The following LRFN5 variants were observed in gnomAD, a reference collection of about 807,000 sequenced individuals.
LRFN5 encodes leucine rich repeat and fibronectin type III domain containing 5.
LRFN5 carries 24 observed loss-of-function variants against 45.6 expected under a neutral mutation model. The observed-to-expected ratio is 0.53, with a 90% CI of 0.38 to 0.74. The LOEUF is 0.74. Among genes scored for constraint, LRFN5 ranks in the 30% least tolerant of loss-of-function variants. LRFN5 has a pLI of 0.00. For synonymous variants in LRFN5, 340 were observed against 313.8 expected, an observed-to-expected ratio of 1.08 and a Z score of -0.88; for missense variants, 776 against 861.5, an observed-to-expected ratio of 0.90 and a Z score of 1.24.
intron 1 of LRFN5, among the ~76,000 whole-genome samples, chr14:41,738,248 T>C (rs1232328869): frequency 6.6e-6 from 1 of 151,996 alleles, no homozygotes; most frequent in Non-Finnish European, 1.5e-5. Context: ...AATGGAGAAA[T>C]GATTCCCTAT....
chr14:41,885,325 TA>T (rs59238163), intron 2 of LRFN5, among the ~76,000 whole-genome samples: 36,917 of 134,034 alleles, frequency 0.28, 4,779 homozygotes, highest in Middle Eastern at 0.4. Context: ...AAACTTTGTC[TA>T]AAAAAAAAAA....
At chr14:41,743,612 C>T (rs61992395) in intron 1 of LRFN5, among the ~76,000 whole-genome samples, 25,244 of 151,974 alleles carry the variant, frequency 0.17, 2,199 homozygotes, top group Admixed American at 0.19. Flanking sequence ...TGTTGTATTC[C>T]ACTGCATGGG....
chr14:41,865,667 A>G (rs575668725), intron 2 of LRFN5, among the ~76,000 whole-genome samples: 1 of 152,344 alleles, frequency 6.6e-6, no homozygotes, highest in Admixed American at 6.5e-5. Context: ...GTGGCTACAC[A>G]TATTTGCATT....
chr14:41,834,507 G>A (rs1162936326), intron 2 of LRFN5, among the ~76,000 whole-genome samples: 3 of 152,050 alleles, frequency 2.0e-5, no homozygotes, highest in Admixed American at 2.0e-4. Flanking sequence ...TCTGCTGTAT[G>A]CTAATTACAT....
At chr14:41,742,085 A>C (rs995089956) in intron 1 of LRFN5, among the ~76,000 whole-genome samples, 1 of 151,786 alleles carries the variant, frequency 6.6e-6, no homozygotes, top group Admixed American at 6.7e-5. Flanking sequence ...AATTAATACA[A>C]TCATTTTGCA....
intron 2 of LRFN5, among the ~76,000 whole-genome samples, chr14:41,814,027 A>T (rs1180671538): frequency 6.6e-6 from 1 of 151,800 alleles, no homozygotes; most frequent in African/African-American, 2.4e-5. Flanking sequence ...TTTTCTTGTA[A>T]ATGTGTTTAA....
chr14:41,829,341 G>C (rs1310936414), intron 2 of LRFN5, among the ~76,000 whole-genome samples: 2 of 151,894 alleles, frequency 1.3e-5, no homozygotes, highest in Admixed American at 6.6e-5. Flanking sequence ...GAGCCACAGA[G>C]ATCATGAGTA....
chr14:41,650,438 G>A (rs915425343), intron 1 of LRFN5, among the ~76,000 whole-genome samples: 11 of 152,208 alleles, frequency 7.2e-5, no homozygotes, highest in African/African-American at 1.9e-4. Context: ...CAATCAGAGT[G>A]AAAATATAAT....
At chr14:41,656,152 A>G (rs1237524837) in intron 1 of LRFN5, among the ~76,000 whole-genome samples, 3 of 152,068 alleles carry the variant, frequency 2.0e-5, no homozygotes, top group African/African-American at 7.2e-5. Flanking sequence ...CTGCGTAGCT[A>G]TGGGCAAATC....
chr14:41,760,904 A>G (rs1202184612), intron 1 of LRFN5, among the ~76,000 whole-genome samples: 4 of 152,126 alleles, frequency 2.6e-5, no homozygotes, highest in Non-Finnish European at 5.9e-5. Flanking sequence ...ATTTGCTATT[A>G]TCCAATAATC....
chr14:41,680,530 AGTT>A (rs1386522990), intron 1 of LRFN5, among the ~76,000 whole-genome samples: 1 of 152,124 alleles, frequency 6.6e-6, no homozygotes, highest in African/African-American at 2.4e-5. Context: ...TCCCTCTATG[AGTT>A]TTTAAGAGCC....
intron 2 of LRFN5, among the ~76,000 whole-genome samples, chr14:41,832,384 A>T (rs554087775): frequency 6.6e-6 from 1 of 152,306 alleles, no homozygotes; most frequent in East Asian, 1.9e-4. Context: ...TAGCAATACA[A>T]TATTCGGTCA....
intron 1 of LRFN5, among the ~76,000 whole-genome samples, chr14:41,671,015 T>A (rs1426091094): frequency 6.6e-6 from 1 of 151,932 alleles, no homozygotes; most frequent in African/African-American, 2.4e-5. Flanking sequence ...TAACATCTAT[T>A]TTTAGAGTAA....
chr14:41,731,238 A>G (rs1884163299), intron 1 of LRFN5: 2 of 151,798 alleles, frequency 1.3e-5, no homozygotes, highest in African/African-American at 4.8e-5. Context: ...TTTTATTTAT[A>G]TTTTCAGATC....
intron 1 of LRFN5, among the ~76,000 whole-genome samples, chr14:41,655,421 T>A (rs558347456): frequency 6.6e-6 from 1 of 152,030 alleles, no homozygotes; most frequent in Admixed American, 6.6e-5. Context: ...AAAAAGCATG[T>A]CTAGAATGAT....
intron 1 of LRFN5, among the ~76,000 whole-genome samples, chr14:41,748,829 T>A (rs1885020352): frequency 6.6e-6 from 1 of 151,912 alleles, no homozygotes; most frequent in Admixed American, 6.6e-5. Context: ...ATTACAGTGT[T>A]GGCAAAATAA....
chr14:41,680,112 G>A (rs1881817607), intron 1 of LRFN5, among the ~76,000 whole-genome samples: 1 of 152,106 alleles, frequency 6.6e-6, no homozygotes, highest in South Asian at 2.1e-4. Flanking sequence ...AGAACAATAG[G>A]TAGATCCCTA....
At chr14:41,704,448 C>CTCTCTCTGTGTGTGTGTGTGTG (rs200253065) in intron 1 of LRFN5, among the ~76,000 whole-genome samples, 1 of 124,240 alleles carries the variant, frequency 8.0e-6, no homozygotes, top group African/African-American at 3.9e-5. Context: ...CTCTCTCTCT[C>CTCTCTCTGTGTGTGTGTGTGTG]TGTGTGTGTG....
At chr14:41,882,753 G>A (rs558050673) in intron 2 of LRFN5, among the ~76,000 whole-genome samples, 1 of 151,710 alleles carries the variant, frequency 6.6e-6, no homozygotes, top group South Asian at 2.1e-4. Context: ...ATATAGGCAG[G>A]ATTCGTTTTA....
Sources: allele counts gnomAD v4.1 joint callset (sites outside exome capture counted in the v4.1 genomes callset), GRCh38; gene constraint gnomAD v4.1.1; transcripts MANE v1.5; gene names NCBI Gene and HGNC (gene_info 2026-07-23, HGNC 2026-07-21).